Variants in VPS35L observed in about 807,000 individuals in gnomAD.
The protein encoded by VPS35L is VPS35 endosomal protein-sorting factor-like.
VPS35L carries 83 observed loss-of-function variants against 133.0 expected under a neutral mutation model. That is an observed-to-expected ratio of 0.62 (90% CI 0.52 to 0.75). The LOEUF is 0.75. Among genes scored for constraint, VPS35L ranks in the 30% least tolerant of loss-of-function variants. The pLI is 0.00. For synonymous variants in VPS35L, 423 were observed against 449.9 expected, an observed-to-expected ratio of 0.94 and a Z score of 0.76; for missense variants, 1,083 against 1,206.8, an observed-to-expected ratio of 0.90 and a Z score of 1.52.
In VPS35L at chr16:19,584,521, G is replaced by T. The variant is rs570131293; in HGVS notation, c.639+2868G>T. Among the ~76,000 whole-genome samples, 3 of 151,802 alleles carry T rather than the reference G, an allele frequency of 2.0e-5. No individual in the cohort carries two copies. The East Asian group carries it at 5.8e-4, about 30-fold the overall frequency. On this transcript the variant is annotated intron_variant, in intron 7 of 30. Transcript: ENST00000417362. ...AGGTGCCTGTAATCTCAGCTACTTG[G>T]GAAGCTGAGGCAGGAGAATCGCTTG... is the stretch of plus-strand genomic sequence containing the variant.
intron 2 of VPS35L, among the ~76,000 whole-genome samples, chr16:19,568,494 G>A (rs1014772106): frequency 2.6e-5 from 4 of 151,960 alleles, no homozygotes; most frequent in African/African-American, 9.7e-5. Context: ...CGAAGGATGG[G>A]GAATGGGGCT....
At chr16:19,635,736 A>G (rs764816018) in intron 19 of VPS35L, among the ~76,000 whole-genome samples, 21 of 152,230 alleles carry the variant, frequency 1.4e-4, no homozygotes, top group Non-Finnish European at 2.2e-4. Context: ...ATCTACTCTC[A>G]TATAGTTCAG....
intron 1 of VPS35L, among the ~76,000 whole-genome samples, chr16:19,563,818 C>T (rs1971100473): frequency 2.0e-5 from 3 of 152,242 alleles, no homozygotes. Context: ...GCTCTCTCCT[C>T]TTCCTCCTGG....
chr16:19,574,374 A>G (rs1462495577), intron 4 of VPS35L, among the ~76,000 whole-genome samples: 2 of 152,088 alleles, frequency 1.3e-5, no homozygotes, highest in Non-Finnish European at 2.9e-5. Flanking sequence ...TTTTAGTTAC[A>G]TTTGTCTTGA....
At chr16:19,666,872 TTTTC>T (rs551438290) in intron 26 of VPS35L, among the ~76,000 whole-genome samples, 1,863 of 106,120 alleles carry the variant, frequency 0.018, 80 homozygotes, top group Admixed American at 0.046. Flanking sequence ...AGGGCCATGT[TTTTC>T]TTTCTTTCTT....
Position 19,575,851 on chromosome 16 carries a change from G to A in VPS35L, c.433+729G>A, listed in dbSNP as rs148702975. Among the ~76,000 whole-genome samples the A allele has an allele frequency of 2.9e-3, 403 of 140,586 alleles. 2 individuals are homozygous for A. Among genetic ancestry groups the A allele is most frequent in the African/African-American group, 0.01 (391 of 37,752 alleles). The allele number at this position is 140,586 out of a possible 152,430, so 92.2% of individuals were successfully genotyped here. On this transcript the variant is annotated intron_variant, in intron 5 of 30. Transcript: ENST00000417362. Reference sequence around the variant, plus strand: ...GCCTGGGCAACAAGAGTGAAATTCCGTATTAAAAAAATATATATATATGGC... The same window carrying A: ...GCCTGGGCAACAAGAGTGAAATTCCATATTAAAAAAATATATATATATGGC...
At position 19,637,626 on chromosome 16, in the gene VPS35L, C is replaced by A; in HGVS notation, c.1668C>A (p.His556Gln). 6.3e-7 allele frequency: 1 copy of A among 1,575,426 alleles called. No individual in the cohort carries two copies. Among genetic ancestry groups the A allele is most frequent in the Non-Finnish European group, 8.7e-7 (1 of 1,155,818 alleles). The change falls in exon 20 of 31, where the codon CAC becomes CAA. Residue 556 changes from histidine to glutamine, a missense_variant. By Grantham distance (24) the His-to-Gln change is conservative. Transcript: ENST00000417362. ...TAATAATTAAGAAAGTTATTGCCCA[C>A]TTCCATGACTTCTCAGTTCTTTTCT... ...LQLIIKKVIAHFHDFSVLFSV... is the reference protein window; with the variant it reads ...LQLIIKKVIAQFHDFSVLFSV...
intron 28 of VPS35L, among the ~76,000 whole-genome samples, chr16:19,685,207 C>T (rs1161316240): frequency 6.6e-6 from 1 of 152,168 alleles, no homozygotes; most frequent in Non-Finnish European, 1.5e-5. Context: ...GCATCACCAC[C>T]CTACTCTCGA....
At chr16:19,582,260 A>G (rs1971735005) in intron 7 of VPS35L, among the ~76,000 whole-genome samples, 1 of 152,220 alleles carries the variant, frequency 6.6e-6, no homozygotes, top group African/African-American at 2.4e-5. Context: ...GTCTCAGCAA[A>G]ATGTGCTCAG....
chr16:19,698,367 T>C (rs1975989494), intron 29 of VPS35L, among the ~76,000 whole-genome samples: 1 of 152,142 alleles, frequency 6.6e-6, no homozygotes, highest in Non-Finnish European at 1.5e-5. Context: ...GTTTTTCTCT[T>C]CCACTGCTTG....
chr16:19,634,240 C>A (rs1301625258), intron 19 of VPS35L, among the ~76,000 whole-genome samples: 1 of 151,638 alleles, frequency 6.6e-6, no homozygotes, highest in Admixed American at 6.6e-5. Context: ...TCACTTGAGT[C>A]CAGGAGTTCA....
intron 16 of VPS35L, 132 bp from the exon 17 acceptor site, chr16:19,628,505 T>C: frequency 1.9e-6 from 1 of 530,318 alleles, no homozygotes; most frequent in Non-Finnish European, 3.4e-6. Flanking sequence ...GATAGAACTT[T>C]AGAAGGAGGT....
At chr16:19,650,021 G>C (rs928302337) in intron 24 of VPS35L, among the ~76,000 whole-genome samples, 2 of 152,172 alleles carry the variant, frequency 1.3e-5, no homozygotes, top group African/African-American at 4.8e-5. Context: ...GTGCTTTGGA[G>C]TTGTCTCTTA....
At chr16:19,577,551 C>T (rs899552949) in intron 5 of VPS35L, among the ~76,000 whole-genome samples, 2 of 152,146 alleles carry the variant, frequency 1.3e-5, no homozygotes, top group Admixed American at 6.5e-5. Flanking sequence ...TGTAAAATGG[C>T]ACAACCACCT....
At position 19,610,495 on chromosome 16, in the gene VPS35L, C is replaced by T; in HGVS notation, c.1023+80C>T. 3.0e-6 allele frequency: 3 copies of T among 1,013,480 alleles called. 1 individual carries two copies. The East Asian group carries it at 8.1e-5, about 27-fold the overall frequency. 62.8% of individuals were successfully genotyped at this position (1,013,480 alleles called of 1,614,324 possible). ...ATGTTCACACAGGGCCCTCCTTCCC[C>T]ACCACCCCGCAAGTCATTGAGAGAA... On this transcript the variant is annotated intron_variant, in intron 12 of 30. Coordinates refer to ENST00000417362, the MANE Select transcript of VPS35L (RefSeq NM_020314.7).
chr16:19,658,623 C>G (rs28582219), intron 26 of VPS35L, among the ~76,000 whole-genome samples: 31,670 of 151,638 alleles, frequency 0.21, 6,137 homozygotes, highest in African/African-American at 0.51. Context: ...AGCTCATGCA[C>G]TATGGACATA....
At chr16:19,676,752 C>T (rs1034126675) in intron 27 of VPS35L, among the ~76,000 whole-genome samples, 4 of 152,214 alleles carry the variant, frequency 2.6e-5, no homozygotes, top group South Asian at 2.1e-4. Flanking sequence ...AAACATTTGT[C>T]GATCCAGGAA....
chr16:19,649,269 G>A (rs948399259), intron 24 of VPS35L, among the ~76,000 whole-genome samples: 3 of 152,100 alleles, frequency 2.0e-5, no homozygotes, highest in African/African-American at 4.8e-5. Flanking sequence ...AGGATTACAG[G>A]CATAAACATC....
intron 19 of VPS35L, among the ~76,000 whole-genome samples, chr16:19,636,344 TC>T (rs1340824632): frequency 1.3e-5 from 2 of 152,250 alleles, no homozygotes; most frequent in Non-Finnish European, 2.9e-5. Context: ...TTTGTATAAT[TC>T]TTTCAATATT....
Sources: allele counts gnomAD v4.1 joint callset (sites outside exome capture counted in the v4.1 genomes callset), GRCh38; gene constraint gnomAD v4.1.1; transcripts MANE v1.5; gene names NCBI Gene and HGNC (gene_info 2026-07-23, HGNC 2026-07-21).